Variants in GARRE1 observed in about 807,000 individuals in gnomAD.
GARRE1 encodes the protein granule associated Rac and RHOG effector 1.
A neutral mutation model predicts 103.2 loss-of-function variants in GARRE1; 49 were observed. The observed-to-expected ratio is 0.47, with a 90% CI of 0.38 to 0.60. GARRE1 has a LOEUF of 0.60. Ranked by LOEUF, GARRE1 falls within the 20% of genes least tolerant of loss-of-function variation. GARRE1 has a pLI of 0.00. For synonymous variants in GARRE1, 505 were observed against 532.8 expected (o/e 0.95, Z 0.72); for missense variants, 1,199 against 1,370.5 (o/e 0.87, Z 1.98).
chr19:34,301,982 C>CTT (rs35417822), intron 2 of GARRE1, among the ~76,000 whole-genome samples: 15,424 of 50,088 alleles, frequency 0.31, 5,471 homozygotes, highest in Non-Finnish European at 0.48. Flanking sequence ...TGCGCCCAGC[C>CTT]TTTTTTTTTT....
At position 34,330,244 on chromosome 19, in the gene GARRE1, G is replaced by A; in HGVS notation, c.1160G>A (p.Arg387Lys). Residue 387 changes from arginine (R) to lysine (K), a missense_variant, in exon 7 of 14, where the codon AGG (arginine) becomes AAG (lysine). Arg to Lys is a conservative substitution (Grantham distance 26, BLOSUM62 2). Coordinates refer to ENST00000299505, the MANE Select transcript of GARRE1 (RefSeq NM_014686.5). ...EAGCYNGITS[R>K]DDFPVTEVLN... is the part of the protein sequence containing the mutation. ...GGCTGCTATAATGGAATCACATCCA[G>A]GGATGATTTTCCTGTGACTGAAGTG... 1 of 1,614,138 alleles carries A rather than the reference G, an allele frequency of 6.2e-7. No homozygotes were observed. The highest frequency in any genetic ancestry group is 8.5e-7 in the Non-Finnish European group (1 of 1,179,990).
At chr19:34,254,947 C>G (rs974012786) in intron 1 of GARRE1, among the ~76,000 whole-genome samples, 1 of 151,482 alleles carries the variant, frequency 6.6e-6, no homozygotes, top group Non-Finnish European at 1.5e-5. Context: ...AAAGGGGACG[C>G]TCCCTCGGTT....
At chr19:34,323,499 C>T (rs1481107731) in intron 3 of GARRE1, among the ~76,000 whole-genome samples, 1 of 152,154 alleles carries the variant, frequency 6.6e-6, no homozygotes, top group African/African-American at 2.4e-5. Flanking sequence ...ATGTTTTGGT[C>T]TGTCTTTCAT....
At position 34,329,850 on chromosome 19, in the gene GARRE1, A is replaced by G. The variant is rs565085631; in HGVS notation, c.1105-339A>G. On this transcript the variant is annotated intron_variant, in intron 6 of 13. Coordinates refer to ENST00000299505, the MANE Select transcript of GARRE1 (RefSeq NM_014686.5). The stretch of plus-strand genomic sequence containing the variant: ...AGGCTCCATCTCAAAAAAGAAAAAA[A>G]AAAAATGCTCTTTTCCCAGGAGTTC... Among the ~76,000 whole-genome samples, 4 of 152,152 alleles carry G rather than the reference A, an allele frequency of 2.6e-5. No individual in the cohort carries two copies. The South Asian group carries it at 6.2e-4, about 24-fold the overall frequency.
In GARRE1 at chr19:34,263,297, T is replaced by TAGATAGATAGATAGAC. The variant is rs1360297029; in HGVS notation, c.-796+8688_-796+8689insGATAGATAGACAGATA. ...ATAGATAGATAGATAGATAGATAGA[T>TAGATAGATAGATAGAC]AGATATACATGAAATAGGTTTATAA... On this transcript the variant is annotated intron_variant, in intron 1 of 13. Coordinates refer to ENST00000299505, the MANE Select transcript of GARRE1 (RefSeq NM_014686.5). Among the ~76,000 whole-genome samples the TAGATAGATAGATAGAC allele has an allele frequency of 5.3e-5, 8 of 151,986 alleles. No homozygotes were observed. In the East Asian group the frequency reaches 9.7e-4, roughly 18 times the overall value.
Position 34,341,724 on chromosome 19 carries a change from T to TC in GARRE1, c.1794dup (p.Arg599GlnfsTer14). 1 of 1,614,180 alleles carries TC rather than the reference T, an allele frequency of 6.2e-7. No homozygotes were observed. The highest frequency in any genetic ancestry group is 8.5e-7 in the Non-Finnish European group (1 of 1,180,046). On this transcript the variant is annotated frameshift_variant, in exon 10 of 14. Coordinates refer to ENST00000299505, the MANE Select transcript of GARRE1 (RefSeq NM_014686.5). LOFTEE classifies it high-confidence loss of function. The stretch of plus-strand genomic sequence containing the variant: ...CAAAGCATTTTGAACATTGGTAATT[T>TC]CCCCAGGACTACAGACCCTTCACAG...
chr19:34,347,247 C>T (rs1179383415), intron 10 of GARRE1, among the ~76,000 whole-genome samples: 3 of 152,126 alleles, frequency 2.0e-5, no homozygotes, highest in Non-Finnish European at 2.9e-5. Context: ...TGCCACCGAA[C>T]CCAGCTAATT....
At position 34,290,492 on chromosome 19, in the gene GARRE1, C is replaced by CT. The variant is rs540060947; in HGVS notation, c.-795-9180dup. 2.1e-3 allele frequency among the ~76,000 whole-genome samples: 319 copies of CT among 152,162 alleles called. 4 individuals are homozygous for CT. Among genetic ancestry groups the CT allele is most frequent in the Non-Finnish European group, 1.2e-3 (84 of 68,008 alleles). On this transcript the variant is annotated intron_variant, in intron 1 of 13. Coordinates refer to ENST00000299505, the MANE Select transcript of GARRE1 (RefSeq NM_014686.5). The stretch of plus-strand genomic sequence containing the variant: ...TTGGCAAAATCATCTACCACAAAGC[C>CT]TTTTTTTCTCTCTCTCTCTCTTAGA...
At chr19:34,334,991 C>T (rs1236793506) in intron 8 of GARRE1, among the ~76,000 whole-genome samples, 2 of 150,506 alleles carry the variant, frequency 1.3e-5, no homozygotes, top group African/African-American at 4.9e-5. Flanking sequence ...TGCAGTGAGC[C>T]GAGATCGTGC....
intron 7 of GARRE1, among the ~76,000 whole-genome samples, chr19:34,331,053 C>G (rs1011643538): frequency 1.3e-5 from 2 of 151,874 alleles, no homozygotes; most frequent in Non-Finnish European, 2.9e-5. Context: ...GCACGCACCA[C>G]CATGCCTGGC....
chr19:34,315,839 A>G (rs1220216423), intron 2 of GARRE1, among the ~76,000 whole-genome samples: 1 of 152,156 alleles, frequency 6.6e-6, no homozygotes, highest in Non-Finnish European at 1.5e-5. Context: ...CTGGTTATGT[A>G]CATGAATACA....
At position 34,355,018 on chromosome 19, in the gene GARRE1, T is replaced by G. The variant is rs1425920580; in HGVS notation, c.*2063T>G. ...TGCACACTAATCTCTGTTAAAGTTG[T>G]CTATGGCTGTTCTACTTGTAAGATA... On this transcript the variant is annotated 3_prime_UTR_variant, in exon 14 of 14. Coordinates refer to ENST00000299505, the MANE Select transcript of GARRE1 (RefSeq NM_014686.5). The G allele has an allele frequency of 1.3e-5, 2 of 152,674 alleles. No individual in the cohort carries two copies. The allele number at this position is 152,674 out of a possible 1,614,324, so 9.5% of individuals were successfully genotyped here. A position where few individuals can be genotyped will look rare whatever the true frequency, so the allele number is the denominator to read the frequency against.
chr19:34,309,086 A>AC (rs1189844179), intron 2 of GARRE1, among the ~76,000 whole-genome samples: 3 of 151,912 alleles, frequency 2.0e-5, no homozygotes, highest in Non-Finnish European at 4.4e-5. Flanking sequence ...TTAAAAAAAA[A>AC]AACAAACCCT....
chr19:34,255,669 T>C (rs572583984), intron 1 of GARRE1, among the ~76,000 whole-genome samples: 6 of 95,162 alleles, frequency 6.3e-5, no homozygotes, highest in East Asian at 2.1e-4. Flanking sequence ...TTGTTTGATA[T>C]GGTCTTTTTT....
intron 11 of GARRE1, chr19:34,348,366 T>C (rs1599784358): frequency 8.8e-6 from 2 of 227,290 alleles, no homozygotes; most frequent in East Asian, 1.8e-4. Flanking sequence ...GCCTTTATAC[T>C]GAACTGAGTG....
intron 12 of GARRE1, among the ~76,000 whole-genome samples, chr19:34,350,241 G>T (rs1236483768): frequency 2.0e-5 from 3 of 152,204 alleles, no homozygotes; most frequent in African/African-American, 7.2e-5. Context: ...AATCGGCAGT[G>T]GGGTGTGGGT....
At position 34,307,197 on chromosome 19, in the gene GARRE1, G is replaced by A. The variant is rs796376145; in HGVS notation, c.495+6229G>A. Among the ~76,000 whole-genome samples, 31 of 152,272 alleles carry A rather than the reference G, an allele frequency of 2.0e-4. 1 individual carries two copies. The highest frequency in any genetic ancestry group is 6.0e-4 in the African/African-American group (25 of 41,566). On this transcript the variant is annotated intron_variant, in intron 2 of 13. Transcript: ENST00000299505. ...TCTGTTCTGAGTAGCCAGGTAGGAG[G>A]CAAGGTGAGGTACACCTCTGAAGGG...
rs903192757 is a variant in GARRE1 at position 34,300,708 on chromosome 19, G to A, written c.235G>A (p.Gly79Ser). The part of the protein sequence containing the change: ...HTTPIADIQQ[G>S]ISKYLDALNV... ...TACTCCTATCGCCGACATCCAGCAG[G>A]GCATCTCCAAGTATCTGGATGCCCT... Residue 79 changes from glycine to serine, a missense_variant, in exon 2 of 14, where the codon GGC (glycine) becomes AGC (serine). By Grantham distance (56) the Gly-to-Ser change is moderately conservative (BLOSUM62 0). Coordinates refer to ENST00000299505, the MANE Select transcript of GARRE1 (RefSeq NM_014686.5). The A allele has an allele frequency of 6.2e-7, 1 of 1,614,136 alleles. No individual in the cohort carries two copies. Among genetic ancestry groups the A allele is most frequent in the Middle Eastern group, 1.6e-4 (1 of 6,062 alleles).
At chr19:34,260,739 T>G (rs979881762) in intron 1 of GARRE1, among the ~76,000 whole-genome samples, 2 of 152,206 alleles carry the variant, frequency 1.3e-5, no homozygotes, top group African/African-American at 4.8e-5. Flanking sequence ...AGAAAAGATA[T>G]AAGTCAAAAG....
Sources: gnomAD v4.1 joint callset for allele counts (sites outside exome capture counted in the v4.1 genomes callset) on GRCh38, gnomAD v4.1.1 for gene constraint, MANE v1.5 for transcripts, NCBI Gene and HGNC (gene_info 2026-07-23, HGNC 2026-07-21) for gene names.